The following NBAS variants were observed in gnomAD, a reference collection of about 807,000 sequenced individuals.
NBAS encodes the protein NAG/BC035112 fusion.
Under a neutral mutation model 302.5 loss-of-function variants are expected in NBAS, and 219 were observed. That is an observed-to-expected ratio of 0.72 (90% CI 0.65 to 0.81). The LOEUF is 0.81. NBAS is among the 30% of genes least tolerant of loss of function. The pLI, the probability that NBAS is intolerant of heterozygous loss-of-function variation, is 0.00. For missense variants in NBAS, 2,932 were observed against 2,841.6 expected (o/e 1.03, Z -0.72); for synonymous variants, 1,118 against 1,021.6 (o/e 1.09, Z -1.80).
At chr2:14,871,912 T>A in the NBAS span, among the ~76,000 whole-genome samples, 183 of 152,212 alleles carry the variant, frequency 1.2e-3, 5 homozygotes, top group East Asian at 0.034. Flanking sequence ...TAGATATAAA[T>A]TATCTAAACA....
intron 12 of NBAS, 151 bp from the exon 13 acceptor site, chr2:15,478,440 G>T: frequency 1.5e-6 from 1 of 679,556 alleles, no homozygotes; most frequent in Non-Finnish European, 2.6e-6. Flanking sequence ...TGCCATGATA[G>T]TCTGGAAAAG....
At chr2:15,470,499 T>C (rs1679912306) in intron 16 of NBAS, among the ~76,000 whole-genome samples, 1 of 152,236 alleles carries the variant, frequency 6.6e-6, no homozygotes, top group Admixed American at 6.5e-5. Flanking sequence ...GCCACTGAAC[T>C]AGACATGGAA....
the NBAS span, among the ~76,000 whole-genome samples, chr2:14,843,417 T>C: frequency 6.6e-6 from 1 of 152,118 alleles, no homozygotes; most frequent in African/African-American, 2.4e-5. Context: ...TAGAAAAATC[T>C]GAAGACCCCA....
intron 49 of NBAS, among the ~76,000 whole-genome samples, chr2:15,189,730 T>G (rs1375561301): frequency 6.6e-6 from 1 of 152,140 alleles, no homozygotes; most frequent in African/African-American, 2.4e-5. Flanking sequence ...AGCCAGCAGT[T>G]GGTTAGAATT....
the NBAS span, among the ~76,000 whole-genome samples, chr2:14,862,323 T>A: frequency 6.6e-6 from 1 of 152,108 alleles, no homozygotes; most frequent in East Asian, 1.9e-4. Context: ...TTCACCATAT[T>A]GGTCAGGCTG....
At chr2:14,851,315 A>C in the NBAS span, among the ~76,000 whole-genome samples, 1 of 151,062 alleles carries the variant, frequency 6.6e-6, no homozygotes, top group East Asian at 1.9e-4. Context: ...TACTCAAATA[A>C]ACTAGAAAAT....
the NBAS span, among the ~76,000 whole-genome samples, chr2:15,092,057 AG>A: frequency 6.6e-6 from 1 of 152,320 alleles, no homozygotes; most frequent in East Asian, 1.9e-4. Context: ...ATGTTGTTCA[AG>A]GGTCAACTGT....
At chr2:15,220,034 AT>A (rs1487168398) in intron 47 of NBAS, among the ~76,000 whole-genome samples, 1 of 130,200 alleles carries the variant, frequency 7.7e-6, no homozygotes, top group African/African-American at 3.0e-5. Flanking sequence ...CGGGGGGCTG[AT>A]CCCCCCACCT....
chr2:15,015,566 A>G, the NBAS span, among the ~76,000 whole-genome samples: 45 of 152,192 alleles, frequency 3.0e-4, no homozygotes, highest in African/African-American at 8.2e-4. Flanking sequence ...ATACAGAAAA[A>G]GCATTTGATA....
chr2:14,781,500 TG>T, the NBAS span, among the ~76,000 whole-genome samples: 1 of 151,358 alleles, frequency 6.6e-6, no homozygotes, highest in South Asian at 2.1e-4. Context: ...CAATACAGCA[TG>T]GCAGGTTCTG....
the NBAS span, among the ~76,000 whole-genome samples, chr2:14,864,209 C>G: frequency 1.3e-5 from 2 of 151,290 alleles, no homozygotes; most frequent in Admixed American, 1.3e-4. Flanking sequence ...CCCAGCTACT[C>G]AGGAGGCTGA....
chr2:15,271,409 T>A lies in NBAS; in HGVS notation c.5724+4075A>T, dbSNP rs1036965403. ...GCTACAATCCAAAGGAGACAACATG[T>A]TTCCCATTAGAAGCAGTGGTTTACG... On this transcript the variant is annotated intron_variant, in intron 44 of 51. Coordinates refer to ENST00000281513, the MANE Select transcript of NBAS (RefSeq NM_015909.4). 5.9e-5 allele frequency among the ~76,000 whole-genome samples: 9 copies of A among 152,142 alleles called. No homozygotes were observed. The East Asian group carries it at 1.5e-3, about 26-fold the overall frequency.
chr2:14,944,028 G>T, the NBAS span, among the ~76,000 whole-genome samples: 1 of 152,138 alleles, frequency 6.6e-6, no homozygotes, highest in Admixed American at 6.5e-5. Flanking sequence ...TGCCAGGTGC[G>T]GTGGCTCACG....
At chr2:15,182,366 A>G (rs1664867113) in intron 50 of NBAS, among the ~76,000 whole-genome samples, 1 of 152,248 alleles carries the variant, frequency 6.6e-6, no homozygotes, top group African/African-American at 2.4e-5. Context: ...AGATGGGGAA[A>G]GCAGAGGTAA....
intron 21 of NBAS, among the ~76,000 whole-genome samples, chr2:15,440,402 C>A (rs1308900164): frequency 1.3e-5 from 2 of 152,202 alleles, no homozygotes; most frequent in Non-Finnish European, 2.9e-5. Flanking sequence ...CAAACAGGGT[C>A]TGGAGTGGAC....
the NBAS span, among the ~76,000 whole-genome samples, chr2:15,136,846 G>C: frequency 3.8e-4 from 58 of 152,154 alleles, 1 homozygote; most frequent in Non-Finnish European, 1.5e-5. Flanking sequence ...GTGTGCGGCA[G>C]TTCCTCCTTT....
chr2:14,934,731 G>A, the NBAS span, among the ~76,000 whole-genome samples: 15 of 152,176 alleles, frequency 9.9e-5, no homozygotes, highest in Admixed American at 9.8e-4. Context: ...GAATATATGA[G>A]AGCTAAATTC....
the NBAS span, among the ~76,000 whole-genome samples, chr2:14,923,998 T>G: frequency 6.6e-6 from 1 of 152,164 alleles, no homozygotes; most frequent in Non-Finnish European, 1.5e-5. Flanking sequence ...TTCCCTCCCC[T>G]GGCTGGACCT....
At chr2:15,172,144 C>G (rs1169332168) in intron 51 of NBAS, among the ~76,000 whole-genome samples, 3 of 152,180 alleles carry the variant, frequency 2.0e-5, no homozygotes, top group Non-Finnish European at 4.4e-5. Context: ...TGTCACATCA[C>G]GAACTTCTCA....
Sources: gnomAD v4.1 joint callset for allele counts (sites outside exome capture counted in the v4.1 genomes callset) on GRCh38, gnomAD v4.1.1 for gene constraint, MANE v1.5 for transcripts, NCBI Gene and HGNC (gene_info 2026-07-23, HGNC 2026-07-21) for gene names.